ZBED6: variants seen among roughly 807,000 people sequenced by gnomAD.
ZBED6 encodes zinc finger BED domain-containing protein 6.
Under a neutral mutation model 58.4 loss-of-function variants are expected in ZBED6, and 40 were observed. The observed-to-expected ratio is 0.68, with a 90% confidence interval of 0.53 to 0.89. The LOEUF (loss-of-function observed/expected upper bound fraction) is 0.89, where lower values mean the gene tolerates loss of function less well. Among genes scored for constraint, ZBED6 ranks in the 40% least tolerant of loss-of-function variants. The pLI, the probability that ZBED6 is intolerant of heterozygous loss-of-function variation, is 0.00. For synonymous variants in ZBED6, 439 were observed against 350.6 expected (o/e 1.25, Z -2.82); for missense variants, 1,057 against 1,003.9 (o/e 1.05, Z -0.71).
chr1:203,814,628 T>C (rs989739753), intron 1 of ZBED6, among the ~76,000 whole-genome samples: 1 of 152,222 alleles, frequency 6.6e-6, no homozygotes, highest in Non-Finnish European at 1.5e-5. Flanking sequence ...AACGTTCATA[T>C]GCTTTAGCAG....
intron 10 of ZBED6, among the ~76,000 whole-genome samples, chr1:203,838,746 T>C (rs1685141185): frequency 1.3e-5 from 2 of 152,116 alleles, no homozygotes; most frequent in South Asian, 2.1e-4. Context: ...AGGTCAGATG[T>C]TTGAGACCAG....
Position 203,835,932 on chromosome 1 carries a change from G to A in ZBED6, c.*3574-2034G>A, listed in dbSNP as rs1684190348. On this transcript the variant is annotated intron_variant, in intron 9 of 16. Coordinates refer to ENST00000550078, the Ensembl canonical transcript of ZBED6. ...AGACATACTTCCTTTAAGAAGTCCT[G>A]TTCCCAGGAGGCCTCCACAGGATCC... 2.1e-5 allele frequency: 4 copies of A among 194,590 alleles called. No individual in the cohort carries two copies. The South Asian group carries it at 4.2e-4, about 21-fold the overall frequency. 12.1% of individuals were successfully genotyped at this position (194,590 alleles called of 1,614,324 possible). A position where few individuals can be genotyped will look rare whatever the true frequency, so the allele number is the denominator to read the frequency against.
chr1:203,850,570 A>C, exon 15 of ZBED6: 1 of 1,613,950 alleles, frequency 6.2e-7, no homozygotes, highest in Non-Finnish European at 8.5e-7. Context: ...CATCCCCCAA[A>C]TTGGCCCCAA....
At chr1:203,840,323 C>T in exon 11 of ZBED6, 1 of 1,612,860 alleles carries the variant, frequency 6.2e-7, no homozygotes, top group Non-Finnish European at 8.5e-7. Context: ...TTCCAAGTCT[C>T]TTAAGGAGCG....
At position 203,800,434 on chromosome 1, in the gene ZBED6, A is replaced by G. The variant is rs1034167533; in HGVS notation, c.2912A>G (p.Gln971Arg). 109 of 1,453,444 alleles carry G rather than the reference A, an allele frequency of 7.5e-5. No homozygotes were observed. In the African/African-American group the frequency reaches 1.4e-3, roughly 19 times the overall value. The allele number at this position is 1,453,444 out of a possible 1,614,324, so 90.0% of individuals were successfully genotyped here. A position where few individuals can be genotyped will look rare whatever the true frequency, so the allele number is the denominator to read the frequency against. ...GATCCTGAGCAGAATGAAGTTGTTCAAAGCAGTGAAAAAGAAATACTGCCT... is the reference window on the plus strand; with the variant it reads ...GATCCTGAGCAGAATGAAGTTGTTCGAAGCAGTGAAAAAGAAATACTGCCT... Residue 971 changes from glutamine to arginine, a missense_variant, in exon 1 of 17, where the codon CAA becomes CGA. By Grantham distance (43) the Gln-to-Arg change is conservative. Transcript: ENST00000550078.
At chr1:203,852,460 A>G (rs1039396945) in exon 17 of ZBED6, 7 of 1,568,950 alleles carry the variant, frequency 4.5e-6, no homozygotes, top group South Asian at 1.2e-5. Flanking sequence ...AGTTTCATCT[A>G]TTGTAACATT....
chr1:203,797,492 T>G, exon 1 of ZBED6: 1 of 1,460,942 alleles, frequency 6.8e-7, no homozygotes, highest in South Asian at 1.4e-5. Flanking sequence ...CACTAACAGA[T>G]TCTGGTACGA....
At chr1:203,843,926 C>G (rs558246038) in intron 11 of ZBED6, among the ~76,000 whole-genome samples, 47 of 151,952 alleles carry the variant, frequency 3.1e-4, no homozygotes, top group African/African-American at 1.1e-3. Flanking sequence ...GGTGCGATCT[C>G]GGCTCACTGC....
Position 203,850,354 on chromosome 1 carries a change from A to G in ZBED6, c.*4639-161A>G, listed in dbSNP as rs1007480285. 17 of 1,040,528 alleles carry G rather than the reference A, an allele frequency of 1.6e-5. No homozygotes were observed. In the African/African-American group the frequency reaches 2.4e-4, roughly 15 times the overall value. The allele number at this position is 1,040,528 out of a possible 1,614,324, so 64.5% of individuals were successfully genotyped here. A position where few individuals can be genotyped will look rare whatever the true frequency, so the allele number is the denominator to read the frequency against. ...ATGGTGACCACCTGTAGTGACCACC[A>G]TGTGACCACAAATTGCCTTTGAATC... On this transcript the variant is annotated intron_variant, in intron 14 of 16. Transcript: ENST00000550078.
exon 16 of ZBED6, chr1:203,851,067 CG>C: frequency 6.2e-7 from 1 of 1,614,088 alleles, no homozygotes; most frequent in Non-Finnish European, 8.5e-7. Context: ...GCTGTTGTCC[CG>C]CTTGTCTCTG....
intron 16 of ZBED6, among the ~76,000 whole-genome samples, chr1:203,851,465 G>A (rs1441787174): frequency 6.6e-6 from 1 of 152,130 alleles, no homozygotes; most frequent in African/African-American, 2.4e-5. Context: ...AAGTAGCTGG[G>A]ATTACAGGTG....
Position 203,847,720 on chromosome 1 carries a change from C to T in ZBED6, c.*4245+33C>T, listed in dbSNP as rs778818843. The T allele has an allele frequency of 3.3e-5, 52 of 1,595,622 alleles. 1 individual carries two copies. The Admixed American group carries it at 3.4e-4, about 10-fold the overall frequency. ...GAGAACTTGGTCTCTAGTACCACGT[C>T]CCCACATAATATTCCAGAGGAGTGT... On this transcript the variant is annotated intron_variant, in intron 12 of 16. Coordinates refer to ENST00000550078, the Ensembl canonical transcript of ZBED6.
Position 203,852,919 on chromosome 1 carries a change from T to C in ZBED6, c.*5652T>C, listed in dbSNP as rs149429456. On this transcript the variant is annotated 3_prime_UTR_variant, in exon 17 of 17. Transcript: ENST00000550078. ...TTTTAAAGGTATTTAAAGATTCAAC[T>C]AAGCTTTAAAGAGGGCTGAGCAGCT... The C allele has an allele frequency of 1.1e-3, 179 of 164,502 alleles. 4 individuals carry two copies. In the East Asian group the frequency reaches 0.027, roughly 25 times the overall value. 10.2% of individuals were successfully genotyped at this position (164,502 alleles called of 1,614,324 possible). A position where few individuals can be genotyped will look rare whatever the true frequency, so the allele number is the denominator to read the frequency against.
At chr1:203,844,043 A>G (rs929589517) in intron 11 of ZBED6, among the ~76,000 whole-genome samples, 2 of 151,600 alleles carry the variant, frequency 1.3e-5, no homozygotes, top group Non-Finnish European at 2.9e-5. Context: ...TTTTAGTAGA[A>G]ACGGGGCTTC....
intron 3 of ZBED6, among the ~76,000 whole-genome samples, chr1:203,824,410 T>A (rs1243321184): frequency 5.3e-5 from 8 of 152,202 alleles, no homozygotes; most frequent in African/African-American, 1.9e-4. Context: ...AGAAGGAGTC[T>A]TTTTATCATG....
At chr1:203,819,794 A>G (rs1359475962) in intron 3 of ZBED6, among the ~76,000 whole-genome samples, 1 of 150,328 alleles carries the variant, frequency 6.7e-6, no homozygotes, top group Non-Finnish European at 1.5e-5. Flanking sequence ...TCGGCCTCCC[A>G]AAGTGCTGGG....
intron 1 of ZBED6, among the ~76,000 whole-genome samples, chr1:203,812,701 C>T (rs1339233260): frequency 2.0e-5 from 3 of 147,556 alleles, no homozygotes; most frequent in Admixed American, 1.4e-4. Flanking sequence ...CCTGTTTTTG[C>T]CTCCTGAGTA....
In ZBED6 at chr1:203,799,911, G is replaced by A; in HGVS notation, c.2389G>A (p.Glu797Lys). 1 of 1,536,116 alleles carries A rather than the reference G, an allele frequency of 6.5e-7. No homozygotes were observed. The highest frequency in any genetic ancestry group is 1.4e-5 in the African/African-American group (1 of 73,166). Residue 797 changes from glutamate to lysine, a missense_variant, in exon 1 of 17, where the codon GAA becomes AAA. Transcript: ENST00000550078. The stretch of plus-strand genomic sequence containing the variant: ...AGAAACTTATAAGCAGTTCCTTGCA[G>A]AAGAGGTCTGTAATTATATGGAATC...
In ZBED6 at chr1:203,799,840, G is replaced by A. The variant is rs1669978677; in HGVS notation, c.2318G>A (p.Cys773Tyr). The change falls in exon 1 of 17, where the codon TGC becomes TAC. Residue 773 changes from cysteine (C) to tyrosine (Y), a missense_variant. Transcript: ENST00000550078. Reference sequence around the variant, plus strand: ...ATCTTGGCTACTTTGTTAGATCCTTGCTTTAAAAACAGTTTGGAAGACTTT... The same window carrying A: ...ATCTTGGCTACTTTGTTAGATCCTTACTTTAAAAACAGTTTGGAAGACTTT... The A allele has an allele frequency of 6.6e-7, 1 of 1,521,258 alleles. No homozygotes were observed. Among genetic ancestry groups the A allele is most frequent in the African/African-American group, 1.4e-5 (1 of 72,742 alleles). 94.2% of individuals were successfully genotyped at this position (1,521,258 alleles called of 1,614,324 possible). A position where few individuals can be genotyped will look rare whatever the true frequency, so the allele number is the denominator to read the frequency against.
Sources: allele counts gnomAD v4.1 joint callset (sites outside exome capture counted in the v4.1 genomes callset), GRCh38; gene constraint gnomAD v4.1.1; transcripts MANE v1.5; gene names NCBI Gene and HGNC (gene_info 2026-07-23, HGNC 2026-07-21).